Variants in KIFC3 observed in about 807,000 individuals in gnomAD.
KIFC3 encodes the protein kinesin-like protein KIFC3.
In KIFC3, 60 loss-of-function variants were observed where a neutral mutation model predicts 101.8. The ratio of observed to expected loss-of-function variants is 0.59; its 90% CI spans 0.48 to 0.73. The LOEUF (loss-of-function observed/expected upper bound fraction) is 0.73. KIFC3 is among the 30% of genes least tolerant of loss of function. The pLI, the probability that KIFC3 is intolerant of heterozygous loss-of-function variation, is 0.00. For missense variants in KIFC3, 966 were observed against 1,137.1 expected, an observed-to-expected ratio of 0.85 and a Z score of 2.16; for synonymous variants, 476 against 482.7, an observed-to-expected ratio of 0.99 and a Z score of 0.18.
intron 3 of KIFC3, among the ~76,000 whole-genome samples, chr16:57,792,067 T>C (rs912399082): frequency 3.3e-5 from 5 of 152,188 alleles, no homozygotes; most frequent in African/African-American, 9.6e-5. Flanking sequence ...TTGAAGGGTA[T>C]GTGTTTCCCA....
At chr16:57,775,022 T>C in intron 3 of KIFC3, 1 of 1,532,476 alleles carries the variant, frequency 6.5e-7, no homozygotes, top group Admixed American at 2.0e-5. Flanking sequence ...ACTCAGACCC[T>C]GATGCAGGGA....
Position 57,764,056 on chromosome 16 carries a change from C to T in KIFC3, c.1617+87G>A, listed in dbSNP as rs1353466920. ...TGAGGACCAAATGAGGCAAAACACA[C>T]ACTGCACAATACCCCAAGACCAATG... On this transcript the variant is annotated intron_variant, in intron 12 of 19. Coordinates refer to ENST00000445690, the MANE Select transcript of KIFC3 (RefSeq NM_001130100.2). The T allele has an allele frequency of 4.3e-6, 4 of 928,676 alleles. No homozygotes were observed. The African/African-American group carries it at 4.8e-5, about 11-fold the overall frequency. The allele number at this position is 928,676 out of a possible 1,614,324, so 57.5% of individuals were successfully genotyped here.
rs371733364 is a variant in KIFC3, at chr16:57,771,256, C to T, written c.707G>A (p.Arg236His). 46 of 1,613,106 alleles carry T rather than the reference C, an allele frequency of 2.9e-5. No homozygotes were observed. Among genetic ancestry groups the T allele is most frequent in the South Asian group, 1.8e-4 (16 of 91,082 alleles). The change falls in exon 6 of 20, where the codon CGC becomes CAC. Residue 236 changes from arginine to histidine, a missense_variant. Physicochemically the swap from Arg to His is conservative, Grantham distance 29. Transcript: ENST00000445690. ...KAQEEERLSR[R>H]LRDSHETIAS... ...AATGGTCTCGTGGCTGTCACGCAGG[C>T]GCCGACTAAGCCGCTCCTCCTCCTG...
At position 57,761,034 on chromosome 16, in the gene KIFC3, ACT is replaced by A; in HGVS notation, c.2002+6_2002+7del. ...GGATCCTCAGGCCAGGCTGCCTGCC[ACT>A]CTCACCCGTGGTGCGGAGGCCTGTG... On this transcript the variant is annotated splice_donor_region_variant and intron_variant, in intron 15 of 19. Transcript: ENST00000445690. 6.2e-7 allele frequency: 1 copy of A among 1,605,668 alleles called. No individual in the cohort carries two copies. The highest frequency in any genetic ancestry group is 8.5e-7 in the Non-Finnish European group (1 of 1,175,538).
At chr16:57,833,979 C>T (rs556133276) in intron 1 of KIFC3, among the ~76,000 whole-genome samples, 2 of 149,866 alleles carry the variant, frequency 1.3e-5, no homozygotes, top group South Asian at 4.3e-4. Flanking sequence ...TCTCCTGCCT[C>T]AGCCTCCTGA....
chr16:57,824,823 T>G (rs1555630531), intron 1 of KIFC3, among the ~76,000 whole-genome samples: 1 of 152,132 alleles, frequency 6.6e-6, no homozygotes, highest in African/African-American at 2.4e-5. Context: ...CTAAGGAATT[T>G]TTGTAAAGAT....
chr16:57,819,034 C>T (rs1300306688), intron 1 of KIFC3, among the ~76,000 whole-genome samples: 4 of 152,098 alleles, frequency 2.6e-5, no homozygotes, highest in Non-Finnish European at 4.4e-5. Flanking sequence ...GTGGCAGGTG[C>T]TGTTCCTCCA....
intron 1 of KIFC3, among the ~76,000 whole-genome samples, chr16:57,831,644 C>T (rs1375260438): frequency 2.0e-5 from 3 of 152,078 alleles, no homozygotes. Flanking sequence ...GAGCTATGAT[C>T]ATACCACTGC....
intron 2 of KIFC3, among the ~76,000 whole-genome samples, chr16:57,796,250 G>A (rs2149206033): frequency 6.6e-6 from 1 of 152,284 alleles, no homozygotes; most frequent in Middle Eastern, 3.4e-3. Flanking sequence ...CAACTTCACA[G>A]CCCTGTGATA....
intron 3 of KIFC3, chr16:57,779,805 AT>A (rs2052513219): frequency 6.6e-6 from 1 of 152,076 alleles, no homozygotes; most frequent in Non-Finnish European, 1.5e-5. Flanking sequence ...CAGAGACTCC[AT>A]CTCAAAAAAT....
chr16:57,859,553 G>T (rs939881355), intron 1 of KIFC3, among the ~76,000 whole-genome samples: 9 of 152,132 alleles, frequency 5.9e-5, no homozygotes, highest in Non-Finnish European at 1.2e-4. Context: ...ATTCATTCCT[G>T]CTGAGCTGCT....
chr16:57,825,759 C>T (rs1181371473), intron 1 of KIFC3, among the ~76,000 whole-genome samples: 2 of 152,164 alleles, frequency 1.3e-5, no homozygotes, highest in Admixed American at 6.5e-5. Flanking sequence ...CTCACTGCAG[C>T]CTTGACCTCC....
chr16:57,783,472 C>CTTTTTTTTTTTT (rs146386887), intron 3 of KIFC3, among the ~76,000 whole-genome samples: 2 of 82,624 alleles, frequency 2.4e-5, no homozygotes, highest in Admixed American at 1.2e-4. Context: ...ATTTTCTTTT[C>CTTTTTTTTTTTT]TTTTTTTTTT....
chr16:57,842,321 A>G (rs2055831799), intron 1 of KIFC3, among the ~76,000 whole-genome samples: 1 of 152,236 alleles, frequency 6.6e-6, no homozygotes. Flanking sequence ...TTGCTGGGCC[A>G]GGGTCAGAGC....
chr16:57,766,565 T>C (rs797037627), intron 10 of KIFC3, among the ~76,000 whole-genome samples: 13 of 152,266 alleles, frequency 8.5e-5, no homozygotes, highest in African/African-American at 2.9e-4. Context: ...AATAAGCGGC[T>C]TTCCAGCTGC....
upstream of KIFC3, chr16:57,807,947 A>AAAAC (rs2054977522): frequency 3.5e-5 from 5 of 143,606 alleles, no homozygotes; most frequent in African/African-American, 1.5e-4. Flanking sequence ...AAAAAAAAAA[A>AAAAC]AAAAAAAAAA....
Position 57,764,265 on chromosome 16 carries a change from G to A in KIFC3, c.1513-18C>T. On this transcript the variant is annotated intron_variant, in intron 11 of 19. Coordinates refer to ENST00000445690, the MANE Select transcript of KIFC3 (RefSeq NM_001130100.2). ...TGGAACACCTGGGAGGGTGGTGGGA[G>A]GGAGGCTGGTGGGGGGGCTTCCAGG... 3 of 1,474,836 alleles carry A rather than the reference G, an allele frequency of 2.0e-6. No homozygotes were observed. The highest frequency in any genetic ancestry group is 1.4e-5 in the African/African-American group (1 of 72,022). 91.4% of individuals were successfully genotyped at this position (1,474,836 alleles called of 1,614,324 possible). A position where few individuals can be genotyped will look rare whatever the true frequency, so the allele number is the denominator to read the frequency against.
At chr16:57,790,656 G>C (rs376960839) in intron 3 of KIFC3, among the ~76,000 whole-genome samples, 15 of 152,270 alleles carry the variant, frequency 9.9e-5, no homozygotes, top group Admixed American at 3.3e-4. Flanking sequence ...GGTAATAACA[G>C]GACCGCCTCA....
chr16:57,762,611 G>T (rs1216088459), intron 12 of KIFC3, among the ~76,000 whole-genome samples: 1 of 152,016 alleles, frequency 6.6e-6, no homozygotes, highest in East Asian at 1.9e-4. Flanking sequence ...GGAAATGAAT[G>T]ACCCCGCCAC....
Sources: gnomAD v4.1 joint callset for allele counts (sites outside exome capture counted in the v4.1 genomes callset) on GRCh38, gnomAD v4.1.1 for gene constraint, MANE v1.5 for transcripts, NCBI Gene and HGNC (gene_info 2026-07-23, HGNC 2026-07-21) for gene names.